Variants in PLEKHM3 observed in about 807,000 individuals in gnomAD.
PLEKHM3 encodes pleckstrin homology domain-containing family M member 3.
Under a neutral mutation model 81.8 loss-of-function variants are expected in PLEKHM3, and 45 were observed. That is an observed-to-expected ratio of 0.55 (90% CI 0.43 to 0.71). The LOEUF is 0.71. Ranked by LOEUF, PLEKHM3 falls within the 30% of genes least tolerant of loss-of-function variation. The pLI, the probability that PLEKHM3 is intolerant of heterozygous loss-of-function variation, is 0.00. For synonymous variants in PLEKHM3, 352 were observed against 356.4 expected (o/e 0.99, Z 0.14); for missense variants, 788 against 924.3 (o/e 0.85, Z 1.91).
intron 6 of PLEKHM3, among the ~76,000 whole-genome samples, chr2:207,885,373 C>A (rs1687855527): frequency 6.6e-6 from 1 of 152,228 alleles, no homozygotes; most frequent in African/African-American, 2.4e-5. Context: ...CCCTGCTCTT[C>A]TAACTCTAGC....
rs560692906 is a variant in PLEKHM3, at chr2:207,822,446, A to T, written c.*5873T>A. On this transcript the variant is annotated 3_prime_UTR_variant, in exon 8 of 8. Transcript: ENST00000427836. ...CCATTGGCCTTGGTGACATCATGAC[A>T]TTCCCCTGAGTTTGGTTAATGAAAG... 1.3e-5 allele frequency: 2 copies of T among 152,822 alleles called. No homozygotes were observed. The highest frequency in any genetic ancestry group is 4.8e-5 in the African/African-American group (2 of 41,568). The allele number at this position is 152,822 out of a possible 1,614,324, so 9.5% of individuals were successfully genotyped here.
intron 1 of PLEKHM3, among the ~76,000 whole-genome samples, chr2:208,008,944 T>C (rs1692597094): frequency 1.3e-5 from 2 of 152,244 alleles, no homozygotes; most frequent in Non-Finnish European, 2.9e-5. Flanking sequence ...ATCTCAGAAT[T>C]GACTTCTGGT....
chr2:207,963,088 G>C lies in PLEKHM3; in HGVS notation c.1546+13563C>G, dbSNP rs140095183. 7.5e-4 allele frequency among the ~76,000 whole-genome samples: 114 copies of C among 152,280 alleles called. 1 individual carries two copies. In the Middle Eastern group the frequency reaches 0.014, roughly 18 times the overall value. ...GGTGGGTGTTGGGATGGCAGTTCAA[G>C]CATTACAGTGGAGAGAATCTGATAG... On this transcript the variant is annotated intron_variant, in intron 3 of 7. Coordinates refer to ENST00000427836, the MANE Select transcript of PLEKHM3 (RefSeq NM_001080475.3).
At chr2:207,945,240 C>A (rs1329240840) in intron 4 of PLEKHM3, among the ~76,000 whole-genome samples, 1 of 152,144 alleles carries the variant, frequency 6.6e-6, no homozygotes, top group East Asian at 1.9e-4. Flanking sequence ...CCTTCTTGGC[C>A]TCCTTTGCTG....
In PLEKHM3 at chr2:207,825,074, T is replaced by G. The variant is rs918623439; in HGVS notation, c.*3245A>C. ...CAAAGGGGGCTGCTGAGAGTTTACA[T>G]GGTTTTCATATAAAGAGGCTTTTAA... On this transcript the variant is annotated 3_prime_UTR_variant, in exon 8 of 8. Coordinates refer to ENST00000427836, the MANE Select transcript of PLEKHM3 (RefSeq NM_001080475.3). 6.6e-6 allele frequency: 1 copy of G among 152,142 alleles called. No homozygotes were observed. Among genetic ancestry groups the G allele is most frequent in the Non-Finnish European group, 1.5e-5 (1 of 68,034 alleles). The allele number at this position is 152,142 out of a possible 1,614,324, so 9.4% of individuals were successfully genotyped here.
At chr2:207,984,087 TAGA>T in intron 2 of PLEKHM3, among the ~76,000 whole-genome samples, 1 of 152,362 alleles carries the variant, frequency 6.6e-6, no homozygotes, top group South Asian at 2.1e-4. Flanking sequence ...GAAAAGCATG[TAGA>T]AGAGTAAGAT....
chr2:207,901,093 C>T (rs1688411291), intron 6 of PLEKHM3: 3 of 600,180 alleles, frequency 5.0e-6, no homozygotes, highest in Admixed American at 2.8e-5. Context: ...CGAGTTGGCT[C>T]CTGGAATCCT....
chr2:208,004,349 C>T (rs1440926980), intron 1 of PLEKHM3, among the ~76,000 whole-genome samples: 5 of 151,456 alleles, frequency 3.3e-5, no homozygotes, highest in South Asian at 2.1e-4. Flanking sequence ...ACCAGAGAGT[C>T]GGAGGTTGCA....
At chr2:207,920,501 A>C (rs978612071) in intron 5 of PLEKHM3, among the ~76,000 whole-genome samples, 2 of 152,178 alleles carry the variant, frequency 1.3e-5, no homozygotes, top group African/African-American at 4.8e-5. Flanking sequence ...TATGACTTGA[A>C]CTGGGATTTC....
intron 7 of PLEKHM3, chr2:207,851,740 C>CAAAAAAAAAAAAA (rs10605219): frequency 1.6e-5 from 1 of 64,310 alleles, no homozygotes; most frequent in African/African-American, 6.2e-5. Context: ...AACTCCATCT[C>CAAAAAAAAAAAAA]AAAAAAAAAA....
intron 2 of PLEKHM3, among the ~76,000 whole-genome samples, chr2:207,982,789 G>A (rs1199910322): frequency 6.6e-6 from 1 of 152,080 alleles, no homozygotes; most frequent in Admixed American, 6.5e-5. Flanking sequence ...ATGTTGGCCA[G>A]GCTGGTGTCA....
chr2:207,893,766 G>A (rs1688136872), intron 6 of PLEKHM3, among the ~76,000 whole-genome samples: 1 of 152,138 alleles, frequency 6.6e-6, no homozygotes, highest in Non-Finnish European at 1.5e-5. Context: ...ACACAGGTCA[G>A]TCATAGCTAC....
At chr2:207,958,242 A>C (rs762282592) in intron 3 of PLEKHM3, among the ~76,000 whole-genome samples, 1 of 152,028 alleles carries the variant, frequency 6.6e-6, no homozygotes, top group Non-Finnish European at 1.5e-5. Flanking sequence ...AAAAAGAGGC[A>C]CCATCATCTA....
chr2:207,848,294 C>T (rs140588685), intron 7 of PLEKHM3, among the ~76,000 whole-genome samples: 1 of 152,280 alleles, frequency 6.6e-6, no homozygotes, highest in East Asian at 1.9e-4. Flanking sequence ...CAAAAAGTGA[C>T]AAACTACAGC....
chr2:207,927,304 T>C (rs1366145618), intron 5 of PLEKHM3, among the ~76,000 whole-genome samples: 6 of 152,162 alleles, frequency 3.9e-5, no homozygotes, highest in Admixed American at 3.9e-4. Flanking sequence ...AACTTTGTTT[T>C]TAAGAAGTCA....
intron 6 of PLEKHM3, chr2:207,901,408 A>T (rs1347807571): frequency 1.4e-6 from 1 of 697,286 alleles, no homozygotes; most frequent in Non-Finnish European, 2.6e-6. Context: ...CATCACCAAA[A>T]CACCAGAAAA....
chr2:207,975,630 G>A (rs942169163), intron 3 of PLEKHM3, among the ~76,000 whole-genome samples: 10 of 112,370 alleles, frequency 8.9e-5, no homozygotes, highest in African/African-American at 3.2e-4. Flanking sequence ...TCGCTCTGTC[G>A]CCCAGGCTGG....
intron 3 of PLEKHM3, among the ~76,000 whole-genome samples, chr2:207,959,525 A>G (rs1314104836): frequency 6.6e-6 from 1 of 152,190 alleles, no homozygotes; most frequent in East Asian, 1.9e-4. Flanking sequence ...TGTAGCTTCT[A>G]TCACATACAG....
chr2:207,905,663 T>C (rs1453669595), intron 6 of PLEKHM3, among the ~76,000 whole-genome samples: 1 of 152,216 alleles, frequency 6.6e-6, no homozygotes, highest in Non-Finnish European at 1.5e-5. Flanking sequence ...AGTAATCGAA[T>C]TAAACTTCCT....
Sources: allele counts gnomAD v4.1 joint callset (sites outside exome capture counted in the v4.1 genomes callset), GRCh38; gene constraint gnomAD v4.1.1; transcripts MANE v1.5; gene names NCBI Gene and HGNC (gene_info 2026-07-23, HGNC 2026-07-21).